Variants in GMCL1 observed in about 807,000 individuals in gnomAD.
The protein encoded by GMCL1 is germ cell-less protein-like 1.
GMCL1 carries 54 observed loss-of-function variants against 75.5 expected under a neutral mutation model. That is an observed-to-expected ratio of 0.71 (90% CI 0.57 to 0.90). The LOEUF is 0.90. Among genes scored for constraint, GMCL1 ranks in the 40% least tolerant of loss-of-function variants. GMCL1 has a pLI of 0.00. For missense variants in GMCL1, 537 were observed against 622.7 expected (o/e 0.86, Z 1.47); for synonymous variants, 210 against 209.6 (o/e 1.00, Z -0.02).
At position 69,871,750 on chromosome 2, in the gene GMCL1, G is replaced by T; in HGVS notation, c.1370G>T (p.Arg457Leu). 6.6e-7 allele frequency: 1 copy of T among 1,521,138 alleles called. No individual in the cohort carries two copies. The highest frequency in any genetic ancestry group is 9.0e-7 in the Non-Finnish European group (1 of 1,115,018). The allele number at this position is 1,521,138 out of a possible 1,614,324, so 94.2% of individuals were successfully genotyped here. The change falls in exon 13 of 14, where the codon CGT becomes CTT. Residue 457 changes from arginine (R) to leucine (L), a missense_variant. Physicochemically the swap from Arg to Leu is moderately radical, Grantham distance 102. This residue lies in a region of GMCL1 where 345 missense variants were observed against 410.5 expected (regional missense o/e 0.84). Coordinates refer to ENST00000282570, the MANE Select transcript of GMCL1 (RefSeq NM_178439.5). ...TATTTTTTTTTTAATCCTAGATTAC[G>T]TTTGGCTTCTTTTGATAGTAGTGGA... is the stretch of plus-strand genomic sequence containing the variant. Reference protein sequence around the residue: ...QPRRSIAFRLRLASFDSSGKL... With the variant: ...QPRRSIAFRLLLASFDSSGKL...
In GMCL1 at chr2:69,829,899, T is replaced by C. The variant is rs773764467; in HGVS notation, c.7T>C (p.Ser3Pro). ...TCTCGGGGAGCCGTGACCCATGGGA[T>C]CGTTGAGCAGCCGGGTGCTGCGCCA... MG[S>P]LSSRVLRQPR... Residue 3 changes from serine (S) to proline (P), a missense_variant, in exon 1 of 14, where the codon TCG becomes CCG. Around this residue, in one of 3 missense-constraint regions of GMCL1, gnomAD observed 144 missense variants for 127.2 expected, o/e 1.13. Transcript: ENST00000282570. The C allele has an allele frequency of 6.3e-6, 10 of 1,598,820 alleles. No homozygotes were observed. The highest frequency in any genetic ancestry group is 3.4e-5 in the Admixed American group (2 of 58,766).
At chr2:69,877,203 T>C (rs940992527) in intron 13 of GMCL1, among the ~76,000 whole-genome samples, 1 of 152,314 alleles carries the variant, frequency 6.6e-6, no homozygotes, top group South Asian at 2.1e-4. Flanking sequence ...ATTGAACCTT[T>C]AGGTGAAACA....
At chr2:69,843,340 C>A in intron 5 of GMCL1, 79 bp downstream of exon 5, 8 of 678,262 alleles carry the variant, frequency 1.2e-5, no homozygotes, top group Admixed American at 5.2e-5. Flanking sequence ...GAATGTATAG[C>A]TATAAGAAAG....
At position 69,844,177 on chromosome 2, in the gene GMCL1, G is replaced by T. The variant is rs2103966042; in HGVS notation, c.739G>T (p.Glu247Ter). The change falls in exon 6 of 14, where the codon GAA becomes TAA. Residue 247 changes from glutamate to a stop codon, truncating the protein, a stop_gained. Transcript: ENST00000282570. LOFTEE classifies it high-confidence loss of function. ...CAATTTGATGACTCACCAGAATGTT[G>T]AACTTTTTAAAGAACTCAGGTATTT... ...LNNLMTHQNVELFKELSINVM... is the reference protein window; with the variant it reads ...LNNLMTHQNV 6.4e-7 allele frequency: 1 copy of T among 1,568,260 alleles called. No homozygotes were observed. Among genetic ancestry groups the T allele is most frequent in the South Asian group, 1.2e-5 (1 of 83,780 alleles).
In GMCL1 at chr2:69,879,735, A is replaced by G. The variant is rs1320543284; in HGVS notation, c.*731A>G. On this transcript the variant is annotated 3_prime_UTR_variant, in exon 14 of 14. Transcript: ENST00000282570. Reference sequence around the variant, plus strand: ...AATGATCTTGAATGAGGGAAAAATCAGTTTGATTCCAAGGATATTTCTTGC... The same window carrying G: ...AATGATCTTGAATGAGGGAAAAATCGGTTTGATTCCAAGGATATTTCTTGC... The G allele has an allele frequency of 6.6e-6, 1 of 152,190 alleles. No homozygotes were observed. Among genetic ancestry groups the G allele is most frequent in the Non-Finnish European group, 1.5e-5 (1 of 68,018 alleles). The allele number at this position is 152,190 out of a possible 1,614,324, so 9.4% of individuals were successfully genotyped here.
At chr2:69,870,581 A>T (rs940573896) in intron 12 of GMCL1, among the ~76,000 whole-genome samples, 7 of 152,170 alleles carry the variant, frequency 4.6e-5, no homozygotes, top group African/African-American at 1.7e-4. Flanking sequence ...CAACCCATGG[A>T]ATGAGAGCAG....
Position 69,840,998 on chromosome 2 carries a change from C to T in GMCL1, c.538C>T (p.Arg180Ter). Reference protein sequence around the residue: ...YRDDVLIKPSRVVAILAAACL... With the variant: ...YRDDVLIKPS ...AGATGATGTCTTGATAAAGCCCAGT[C>T]GAGTTGTTGCCATTTTGGCAGCAGC... The change falls in exon 4 of 14, where the codon CGA (arginine) becomes TGA (stop). Residue 180 changes from arginine to a stop codon, truncating the protein, a stop_gained. Coordinates refer to ENST00000282570, the MANE Select transcript of GMCL1 (RefSeq NM_178439.5). LOFTEE classifies it high-confidence loss of function. 1.9e-6 allele frequency: 3 copies of T among 1,613,892 alleles called. No homozygotes were observed. The highest frequency in any genetic ancestry group is 1.1e-5 in the South Asian group (1 of 91,038).
At chr2:69,873,704 T>G (rs1283599174) in intron 13 of GMCL1, 1 of 167,602 alleles carries the variant, frequency 6.0e-6, no homozygotes, top group African/African-American at 2.4e-5. Flanking sequence ...CACAGCCTGT[T>G]TGATCTTATG....
At chr2:69,869,249 CAAAAAAA>C (rs35609593) in intron 11 of GMCL1, among the ~76,000 whole-genome samples, 2 of 79,312 alleles carry the variant, frequency 2.5e-5, no homozygotes, top group Admixed American at 1.2e-4. Flanking sequence ...ACCTCTGTCT[CAAAAAAA>C]AAAAAAAAAA....
At chr2:69,872,819 C>G (rs1414125432) in intron 13 of GMCL1, among the ~76,000 whole-genome samples, 1 of 152,240 alleles carries the variant, frequency 6.6e-6, no homozygotes, top group African/African-American at 2.4e-5. Flanking sequence ...CAATGACTAT[C>G]TTTATCTTCT....
chr2:69,849,810 C>A, intron 8 of GMCL1, 68 bp downstream of exon 8: 1 of 882,032 alleles, frequency 1.1e-6, no homozygotes, highest in Non-Finnish European at 1.7e-6. Context: ...CCCATGAGAA[C>A]AGAAAATAAA....
chr2:69,859,154 A>AG (rs1307370742), intron 9 of GMCL1, among the ~76,000 whole-genome samples: 1 of 151,520 alleles, frequency 6.6e-6, no homozygotes, highest in Non-Finnish European at 1.5e-5. Context: ...CAAAAAAAAA[A>AG]AAAAAAAAAA....
At position 69,829,663 on chromosome 2, in the gene GMCL1, T is replaced by C; in HGVS notation, c.-230T>C. 1.9e-6 allele frequency: 1 copy of C among 513,440 alleles called. No individual in the cohort carries two copies. Among genetic ancestry groups the C allele is most frequent in the Non-Finnish European group, 3.4e-6 (1 of 295,556 alleles). The allele number at this position is 513,440 out of a possible 1,614,324, so 31.8% of individuals were successfully genotyped here. A position where few individuals can be genotyped will look rare whatever the true frequency, so the allele number is the denominator to read the frequency against. ...ACGCATGCGCCCTCCGTCCCGCGCT[T>C]TGTTGCGAAAGCGAGGGGGCGAGGT... On this transcript the variant is annotated 5_prime_UTR_variant, in exon 1 of 14. Coordinates refer to ENST00000282570, the MANE Select transcript of GMCL1 (RefSeq NM_178439.5).
chr2:69,858,578 AT>A (rs1161591669), intron 9 of GMCL1, among the ~76,000 whole-genome samples: 1 of 152,030 alleles, frequency 6.6e-6, no homozygotes, highest in Non-Finnish European at 1.5e-5. Flanking sequence ...TTTTCATCCC[AT>A]ATTTTACCAG....
chr2:69,877,466 T>G (rs1020470185), intron 13 of GMCL1, among the ~76,000 whole-genome samples: 2 of 152,222 alleles, frequency 1.3e-5, no homozygotes, highest in African/African-American at 4.8e-5. Context: ...TCATCAGATA[T>G]ACATATCATC....
At chr2:69,868,521 GTGTGTTAC>G (rs548790651) in intron 11 of GMCL1, among the ~76,000 whole-genome samples, 278 of 151,884 alleles carry the variant, frequency 1.8e-3, no homozygotes, top group African/African-American at 6.2e-3. Flanking sequence ...TAACCCAGTT[GTGTGTTAC>G]TTGAGTTAGA....
chr2:69,833,685 A>G (rs955979504), intron 1 of GMCL1, among the ~76,000 whole-genome samples: 23 of 152,236 alleles, frequency 1.5e-4, no homozygotes, highest in African/African-American at 5.3e-4. Context: ...TGGCCCTAGT[A>G]TATACTTCCT....
intron 7 of GMCL1, among the ~76,000 whole-genome samples, chr2:69,849,212 C>G (rs1414471665): frequency 6.6e-6 from 1 of 152,016 alleles, no homozygotes; most frequent in Non-Finnish European, 1.5e-5. Flanking sequence ...GCTCTGTCAC[C>G]TAGACTAGAA....
intron 4 of GMCL1, 86 bp downstream of exon 4, chr2:69,841,125 GC>G (rs1363431328): frequency 2.5e-6 from 2 of 796,368 alleles, no homozygotes; most frequent in Non-Finnish European, 3.8e-6. Context: ...ATAAAGCTTA[GC>G]TTTTTTGGAG....
Sources: allele counts gnomAD v4.1 joint callset (sites outside exome capture counted in the v4.1 genomes callset), GRCh38; gene constraint gnomAD v4.1.1; regional missense constraint gnomAD v4.1.1; transcripts MANE v1.5; gene names NCBI Gene and HGNC (gene_info 2026-07-23, HGNC 2026-07-21).